The following GRID1 variants were observed in gnomAD, a reference collection of about 807,000 sequenced individuals.
GRID1 encodes the protein glutamate receptor ionotropic, delta-1.
In GRID1, 28 loss-of-function variants were observed where a neutral mutation model predicts 98.0. The ratio of observed to expected loss-of-function variants is 0.29; its 90% CI spans 0.21 to 0.39. The LOEUF is 0.39. Ranked by LOEUF, GRID1 falls within the 10% of genes least tolerant of loss-of-function variation. The pLI, the probability that GRID1 is intolerant of heterozygous loss-of-function variation, is 1.00. For missense variants in GRID1, 1,111 were observed against 1,340.5 expected (o/e 0.83, Z 2.67); for synonymous variants, 553 against 538.5 (o/e 1.03, Z -0.37).
At chr10:86,047,682 C>T (rs781004131) in intron 4 of GRID1, among the ~76,000 whole-genome samples, 3 of 152,032 alleles carry the variant, frequency 2.0e-5, no homozygotes, top group Non-Finnish European at 4.4e-5. Flanking sequence ...GGGTTAATCT[C>T]GGAGGAGCCA....
At chr10:85,856,952 C>T (rs1805216624) in intron 6 of GRID1, among the ~76,000 whole-genome samples, 1 of 152,192 alleles carries the variant, frequency 6.6e-6, no homozygotes. Context: ...GGACTAGCAA[C>T]AGAGGTGACT....
intron 2 of GRID1, among the ~76,000 whole-genome samples, chr10:86,287,676 T>G (rs955054164): frequency 6.6e-6 from 1 of 152,090 alleles, no homozygotes; most frequent in Non-Finnish European, 1.5e-5. Context: ...TGACCGCGTA[T>G]CCTCGTTTGC....
chr10:85,779,796 C>T (rs1842365211), intron 8 of GRID1, among the ~76,000 whole-genome samples: 1 of 152,116 alleles, frequency 6.6e-6, no homozygotes, highest in African/African-American at 2.4e-5. Flanking sequence ...CAATGCAGCC[C>T]TGTGGAGATG....
At chr10:86,354,902 G>A (rs1366272549) in intron 2 of GRID1, among the ~76,000 whole-genome samples, 1 of 152,174 alleles carries the variant, frequency 6.6e-6, no homozygotes, top group Non-Finnish European at 1.5e-5. Flanking sequence ...CTCCTTCCCT[G>A]CTCTCTTGAG....
At chr10:85,710,264 G>A (rs886225129) in intron 12 of GRID1, among the ~76,000 whole-genome samples, 7 of 152,134 alleles carry the variant, frequency 4.6e-5, no homozygotes, top group African/African-American at 1.7e-4. Flanking sequence ...GTATTGGTAG[G>A]AAGACAGATA....
rs541075320 is a variant in GRID1 at position 86,352,593 on chromosome 10, C to G, written c.235+11348G>C. Among the ~76,000 whole-genome samples, 3 of 152,248 alleles carry G rather than the reference C, an allele frequency of 2.0e-5. No homozygotes were observed. The South Asian group carries it at 6.2e-4, about 32-fold the overall frequency. On this transcript the variant is annotated intron_variant, in intron 2 of 15. Coordinates refer to ENST00000327946, the MANE Select transcript of GRID1 (RefSeq NM_017551.3). ...TGTCTCTTCTTATAAGGCCACTAAT[C>G]CCATCATGAGGGCCCCACCCTTATG... is the stretch of plus-strand genomic sequence containing the variant.
chr10:86,004,653 C>A (rs2131877093), intron 4 of GRID1, among the ~76,000 whole-genome samples: 1 of 152,230 alleles, frequency 6.6e-6, no homozygotes, highest in South Asian at 2.1e-4. Context: ...GCTCACTCTG[C>A]AGATTTCAGT....
At chr10:85,739,650 T>G (rs1377979656) in intron 8 of GRID1, among the ~76,000 whole-genome samples, 1 of 152,122 alleles carries the variant, frequency 6.6e-6, no homozygotes, top group Non-Finnish European at 1.5e-5. Context: ...CTCAGGTGAC[T>G]GTGCTTTAAT....
intron 5 of GRID1, among the ~76,000 whole-genome samples, chr10:85,890,625 A>G (rs902473835): frequency 6.6e-6 from 1 of 152,188 alleles, no homozygotes; most frequent in African/African-American, 2.4e-5. Flanking sequence ...TGCTCTGTCT[A>G]TGCTGGAGTT....
chr10:85,726,306 G>T (rs1350430294), intron 10 of GRID1, among the ~76,000 whole-genome samples: 2 of 151,850 alleles, frequency 1.3e-5, no homozygotes, highest in African/African-American at 4.8e-5. Flanking sequence ...CTTTTTAAAC[G>T]GTCTCTGAGA....
Position 86,255,949 on chromosome 10 carries a change from C to T in GRID1, c.236-49301G>A, listed in dbSNP as rs575801216. On this transcript the variant is annotated intron_variant, in intron 2 of 15. Coordinates refer to ENST00000327946, the MANE Select transcript of GRID1 (RefSeq NM_017551.3). ...TACACGGCCTCCCCCATGGTGTGCA[C>T]AACAGCCGGTAACCAGGGCTCCTGG... Among the ~76,000 whole-genome samples the T allele has an allele frequency of 2.0e-5, 3 of 152,298 alleles. No individual in the cohort carries two copies. The East Asian group carries it at 5.8e-4, about 29-fold the overall frequency.
intron 6 of GRID1, among the ~76,000 whole-genome samples, chr10:85,865,936 T>TATATATATATATATATATAC (rs1564613272): frequency 4.3e-4 from 49 of 112,668 alleles, no homozygotes; most frequent in African/African-American, 1.5e-3. Flanking sequence ...TATATATATA[T>TATATATATATATATATATAC]ATATATACAC....
chr10:85,973,744 A>G (rs1234365692), intron 4 of GRID1, among the ~76,000 whole-genome samples: 1 of 152,218 alleles, frequency 6.6e-6, no homozygotes, highest in African/African-American at 2.4e-5. Context: ...TAGACTTTTT[A>G]AGTATTTAAC....
At chr10:85,842,492 G>A (rs1050543001) in intron 8 of GRID1, among the ~76,000 whole-genome samples, 4 of 151,882 alleles carry the variant, frequency 2.6e-5, no homozygotes, top group African/African-American at 9.7e-5. Flanking sequence ...ATCAATAAAA[G>A]TGATAAACCT....
intron 8 of GRID1, among the ~76,000 whole-genome samples, chr10:85,759,908 G>T (rs1442497203): frequency 6.6e-6 from 1 of 152,162 alleles, no homozygotes; most frequent in African/African-American, 2.4e-5. Flanking sequence ...ACCTCTGAGG[G>T]CATCCTGCCA....
chr10:85,789,281 G>C (rs1293708907), intron 8 of GRID1, among the ~76,000 whole-genome samples: 1 of 152,148 alleles, frequency 6.6e-6, no homozygotes, highest in Non-Finnish European at 1.5e-5. Context: ...TGCCAAAGCT[G>C]ACACTGCACA....
intron 2 of GRID1, among the ~76,000 whole-genome samples, chr10:86,327,725 G>A (rs1410623078): frequency 4.6e-5 from 7 of 152,136 alleles, no homozygotes; most frequent in African/African-American, 1.4e-4. Context: ...ATGAGGTACC[G>A]CCTATCAGCC....
intron 4 of GRID1, among the ~76,000 whole-genome samples, chr10:85,955,536 G>A (rs1842177906): frequency 6.6e-6 from 1 of 152,154 alleles, no homozygotes. Flanking sequence ...CATGAATTCA[G>A]CCTCATTAGG....
intron 2 of GRID1, among the ~76,000 whole-genome samples, chr10:86,220,330 G>A (rs574552642): frequency 1.2e-4 from 19 of 152,232 alleles, no homozygotes; most frequent in Admixed American, 6.5e-4. Context: ...CGAACTACCC[G>A]GACTCGAATC....
Sources: allele counts gnomAD v4.1 joint callset (sites outside exome capture counted in the v4.1 genomes callset), GRCh38; gene constraint gnomAD v4.1.1; transcripts MANE v1.5; gene names NCBI Gene and HGNC (gene_info 2026-07-23, HGNC 2026-07-21).